INSL6: variants seen among roughly 807,000 people sequenced by gnomAD.
INSL6 encodes insulin-like peptide INSL6.
Under a neutral mutation model 9.4 loss-of-function variants are expected in INSL6, and 16 were observed. The observed-to-expected ratio is 1.70, with a 90% CI of 1.15 to 2.59. The LOEUF is 2.59. Ranked by LOEUF, INSL6 falls within the 30% of genes most tolerant of loss-of-function variation. INSL6 has a pLI of 0.00. For missense variants in INSL6, 391 were observed against 257.3 expected, an observed-to-expected ratio of 1.52 and a Z score of -3.56; for synonymous variants, 154 against 96.9, an observed-to-expected ratio of 1.59 and a Z score of -3.46.
At chr9:5,031,067 A>G in the INSL6 span, among the ~76,000 whole-genome samples, 5 of 152,156 alleles carry the variant, frequency 3.3e-5, no homozygotes, top group South Asian at 2.1e-4. Flanking sequence ...AAAATTAGAA[A>G]GTTATTTGAA....
chr9:5,096,700 A>G, the INSL6 span: 1 of 152,192 alleles, frequency 6.6e-6, no homozygotes, highest in Non-Finnish European at 1.5e-5. Flanking sequence ...TCAACCAATC[A>G]CAAAGCTATC....
At position 5,131,435 on chromosome 9, in the gene INSL6, A is replaced by ATTTTTTTTTTTTTTTTTTTTTTTTTT. The variant is rs550915336; in HGVS notation, c.*10+1989_*10+1990insAAAAAAAAAAAAAAAAAAAAAAAAAA. Among the ~76,000 whole-genome samples the ATTTTTTTTTTTTTTTTTTTTTTTTTT allele has an allele frequency of 6.0e-4, 70 of 115,824 alleles. 13 individuals are homozygous for ATTTTTTTTTTTTTTTTTTTTTTTTTT. The highest frequency in any genetic ancestry group is 2.7e-3 in the African/African-American group (67 of 24,946). The allele number at this position is 115,824 out of a possible 152,430, so 76.0% of individuals were successfully genotyped here. ...AATTCTTTAACACCACCAGTTAACAATTTTTTTTTTTTTTTTTTTGAGACA... is the reference window on the plus strand; with the variant it reads ...AATTCTTTAACACCACCAGTTAACAATTTTTTTTTTTTTTTTTTTTTTTTTTTTTTTTTTTTTTTTTTTTTGAGACA... On this transcript the variant is annotated intron_variant, in intron 3 of 3. Coordinates refer to the INSL6 transcript ENST00000649639.
the INSL6 span, among the ~76,000 whole-genome samples, chr9:5,103,891 C>T: frequency 2.0e-5 from 3 of 151,982 alleles, no homozygotes; most frequent in Non-Finnish European, 2.9e-5. Flanking sequence ...CACAGCATAC[C>T]AGAATCTCTG....
intron 3 of INSL6, chr9:5,127,541 C>CTATT (rs150950589): frequency 3.1e-4 from 72 of 231,174 alleles, no homozygotes; most frequent in African/African-American, 1.5e-3. Flanking sequence ...TCCCTTGTAT[C>CTATT]TATTTGTGGT....
the INSL6 span, among the ~76,000 whole-genome samples, chr9:5,016,657 T>A: frequency 6.6e-6 from 1 of 152,182 alleles, no homozygotes; most frequent in Non-Finnish European, 1.5e-5. Context: ...TGTTAACCAC[T>A]ACTTAGATCA....
At chr9:5,152,875 A>C (rs1014009433) in intron 2 of INSL6, among the ~76,000 whole-genome samples, 1 of 152,168 alleles carries the variant, frequency 6.6e-6, no homozygotes, top group Non-Finnish European at 1.5e-5. Context: ...GACTGGTTAG[A>C]GAGTGGGTGC....
the INSL6 span, among the ~76,000 whole-genome samples, chr9:5,089,177 G>A: frequency 6.6e-6 from 1 of 152,104 alleles, no homozygotes; most frequent in East Asian, 1.9e-4. Flanking sequence ...TAAATTTACA[G>A]ATTTACTACC....
the INSL6 span, among the ~76,000 whole-genome samples, chr9:5,015,497 G>C: frequency 6.6e-6 from 1 of 151,870 alleles, no homozygotes; most frequent in African/African-American, 2.4e-5. Flanking sequence ...CAGTAATGCT[G>C]GTTGTAGTTG....
rs552692370 is a variant in INSL6, at chr9:5,126,217, G to C, written c.*11-1706C>G. The C allele has an allele frequency of 6.2e-6, 4 of 642,268 alleles. No homozygotes were observed. The East Asian group carries it at 1.1e-4, about 18-fold the overall frequency. 39.8% of individuals were successfully genotyped at this position (642,268 alleles called of 1,614,324 possible). A position where few individuals can be genotyped will look rare whatever the true frequency, so the allele number is the denominator to read the frequency against. On this transcript the variant is annotated intron_variant, in intron 3 of 3. Transcript: ENST00000649639. ...AAAGTAGTTTGTTTTGAAAAGGTTT[G>C]AAAACATACAAAAGCACACATATAC...
At chr9:5,140,085 A>G (rs181337101) in intron 2 of INSL6, among the ~76,000 whole-genome samples, 1 of 152,350 alleles carries the variant, frequency 6.6e-6, no homozygotes, top group East Asian at 1.9e-4. Context: ...AATTTACAGA[A>G]GCAAATGACA....
At chr9:5,043,337 C>T in the INSL6 span, among the ~76,000 whole-genome samples, 1 of 151,584 alleles carries the variant, frequency 6.6e-6, no homozygotes, top group African/African-American at 2.4e-5. Flanking sequence ...AAAATGAAAC[C>T]CTCCGAAAAA....
chr9:5,128,166 A>C (rs748428706), intron 3 of INSL6: 20 of 232,034 alleles, frequency 8.6e-5, no homozygotes, highest in Non-Finnish European at 1.4e-4. Context: ...ATTAAAAAGA[A>C]AATAGTTTCT....
chr9:5,085,653 T>A, the INSL6 span: 2 of 723,864 alleles, frequency 2.8e-6, no homozygotes, highest in Non-Finnish European at 5.2e-6. Flanking sequence ...AGATCTTGTG[T>A]GTTTTCCTTT....
At chr9:5,112,495 G>A in the INSL6 span, 79 of 559,392 alleles carry the variant, frequency 1.4e-4, 1 homozygote, top group Admixed American at 6.6e-4. Context: ...CAAGGACGAG[G>A]AGGAAGATGA....
chr9:5,069,968 T>C, the INSL6 span: 1 of 1,606,960 alleles, frequency 6.2e-7, no homozygotes, highest in South Asian at 1.1e-5. Context: ...GTGTTTCTGA[T>C]GTACCAACCT....
the INSL6 span, among the ~76,000 whole-genome samples, chr9:5,073,074 A>C: frequency 6.6e-6 from 1 of 152,224 alleles, no homozygotes; most frequent in Middle Eastern, 3.2e-3. Flanking sequence ...GCCAGTTGCC[A>C]GAGCTCTGAA....
chr9:5,076,103 AG>A, the INSL6 span, among the ~76,000 whole-genome samples: 1 of 152,210 alleles, frequency 6.6e-6, no homozygotes, highest in Admixed American at 6.5e-5. Context: ...CCCTGAAAGA[AG>A]GAGGAGTTGC....
intron 2 of INSL6, among the ~76,000 whole-genome samples, chr9:5,155,132 C>A (rs2381196): frequency 0.34 from 50,710 of 149,918 alleles, 9,077 homozygotes; most frequent in African/African-American, 0.47. Flanking sequence ...ACACCATGGA[C>A]TACTATGCAG....
chr9:5,168,665 A>G (rs1193083877), intron 1 of INSL6, among the ~76,000 whole-genome samples: 1 of 152,074 alleles, frequency 6.6e-6, no homozygotes, highest in Non-Finnish European at 1.5e-5. Flanking sequence ...ACTACAGTAT[A>G]TCATCCAGGA....
Sources: gnomAD v4.1 joint callset for allele counts (sites outside exome capture counted in the v4.1 genomes callset) on GRCh38, gnomAD v4.1.1 for gene constraint, MANE v1.5 for transcripts, NCBI Gene and HGNC (gene_info 2026-07-23, HGNC 2026-07-21) for gene names.